The following GNA14 variants were observed in gnomAD, a reference collection of about 807,000 sequenced individuals.
GNA14 encodes G protein subunit alpha 14.
A neutral mutation model predicts 42.0 loss-of-function variants in GNA14; 50 were observed. The ratio of observed to expected loss-of-function variants is 1.19; its 90% confidence interval spans 0.95 to 1.51. The LOEUF (loss-of-function observed/expected upper bound fraction) is 1.51. GNA14 is among the 40% of genes most tolerant of loss of function. The pLI is 0.00. For synonymous variants in GNA14, 173 were observed against 163.1 expected (o/e 1.06, Z -0.46); for missense variants, 473 against 446.2 (o/e 1.06, Z -0.54).
intron 2 of GNA14, among the ~76,000 whole-genome samples, chr9:77,508,022 C>T (rs1587807007): frequency 6.6e-6 from 1 of 152,282 alleles, no homozygotes; most frequent in African/African-American, 2.4e-5. Context: ...CTGGCCTCAG[C>T]TCACTCTTAT....
chr9:77,627,433 A>G (rs1046302945), intron 1 of GNA14, among the ~76,000 whole-genome samples: 1 of 152,124 alleles, frequency 6.6e-6, no homozygotes, highest in Admixed American at 6.6e-5. Flanking sequence ...ACAACAAAAA[A>G]AGAAAATTTC....
chr9:77,544,786 T>C (rs1458317592), intron 1 of GNA14, among the ~76,000 whole-genome samples: 1 of 152,150 alleles, frequency 6.6e-6, no homozygotes, highest in African/African-American at 2.4e-5. Context: ...AGCATATTCA[T>C]TAATGGTTTT....
chr9:77,487,341 G>A (rs1424861829), intron 2 of GNA14, among the ~76,000 whole-genome samples: 3 of 152,076 alleles, frequency 2.0e-5, no homozygotes, highest in African/African-American at 7.2e-5. Context: ...ATGGAGAAGG[G>A]GAATTGCTGT....
chr9:77,600,175 T>A (rs987700888), intron 1 of GNA14, among the ~76,000 whole-genome samples: 6 of 152,180 alleles, frequency 3.9e-5, no homozygotes, highest in African/African-American at 1.4e-4. Context: ...GTTAAAAATG[T>A]ATTGGAAGCC....
chr9:77,477,662 A>G (rs1836454950), intron 2 of GNA14, among the ~76,000 whole-genome samples: 1 of 152,236 alleles, frequency 6.6e-6, no homozygotes, highest in Non-Finnish European at 1.5e-5. Flanking sequence ...TCTCCAAAAT[A>G]AAACAGAAAG....
intron 2 of GNA14, among the ~76,000 whole-genome samples, chr9:77,460,242 G>C (rs1020524417): frequency 1.3e-5 from 2 of 152,204 alleles, no homozygotes; most frequent in Non-Finnish European, 2.9e-5. Context: ...GTGCCTGTAA[G>C]AGACAGAAGA....
At chr9:77,561,622 T>C (rs189585108) in intron 1 of GNA14, among the ~76,000 whole-genome samples, 1 of 152,280 alleles carries the variant, frequency 6.6e-6, no homozygotes, top group Non-Finnish European at 1.5e-5. Context: ...AAATATTATA[T>C]GAGGGGAATG....
At position 77,444,367 on chromosome 9, in the gene GNA14, G is replaced by A. The variant is rs557866569; in HGVS notation, c.310-9845C>T. Among the ~76,000 whole-genome samples the A allele has an allele frequency of 1.4e-3, 216 of 152,260 alleles. 1 individual carries two copies. Among genetic ancestry groups the A allele is most frequent in the East Asian group, 2.7e-3 (14 of 5,182 alleles). ...CTCCTTCAGCTTCTCCACATCATGG[G>A]TCAGCTTCTCCACATCCTGGGGCAG... On this transcript the variant is annotated intron_variant, in intron 2 of 6. Coordinates refer to ENST00000341700, the MANE Select transcript of GNA14 (RefSeq NM_004297.4).
chr9:77,462,174 C>CAGAT (rs1215208753), intron 2 of GNA14, among the ~76,000 whole-genome samples: 1 of 152,158 alleles, frequency 6.6e-6, no homozygotes, highest in African/African-American at 2.4e-5. Flanking sequence ...ACATTTTCAT[C>CAGAT]AGATGTTCAC....
intron 2 of GNA14, among the ~76,000 whole-genome samples, chr9:77,485,386 C>T (rs140872184): frequency 6.6e-6 from 1 of 152,246 alleles, no homozygotes; most frequent in East Asian, 1.9e-4. Context: ...CTCTTATACT[C>T]CTACCACATC....
At chr9:77,459,248 GA>G (rs11315541) in intron 2 of GNA14, among the ~76,000 whole-genome samples, 60,466 of 122,660 alleles carry the variant, frequency 0.49, 12,874 homozygotes, top group African/African-American at 0.64. Flanking sequence ...GGAAAAAAAA[GA>G]AAAAAAAGAA....
At chr9:77,644,934 G>T (rs1824330737) in intron 1 of GNA14, among the ~76,000 whole-genome samples, 1 of 152,194 alleles carries the variant, frequency 6.6e-6, no homozygotes, top group East Asian at 1.9e-4. Flanking sequence ...GCAAGGAACT[G>T]ATAAGAAATT....
intron 1 of GNA14, among the ~76,000 whole-genome samples, chr9:77,569,391 T>G (rs1355096545): frequency 6.6e-6 from 1 of 152,172 alleles, no homozygotes; most frequent in Non-Finnish European, 1.5e-5. Flanking sequence ...CTGCTGGATG[T>G]GCTGCAGCTA....
chr9:77,479,116 G>T (rs1309427439), intron 2 of GNA14, among the ~76,000 whole-genome samples: 1 of 152,068 alleles, frequency 6.6e-6, no homozygotes, highest in South Asian at 2.1e-4. Flanking sequence ...GTCCTGAATG[G>T]TACTGCCTAG....
intron 2 of GNA14, among the ~76,000 whole-genome samples, chr9:77,484,948 G>GTTATAATC (rs71503217): frequency 0.56 from 85,258 of 151,138 alleles, 24,425 homozygotes; most frequent in East Asian, 0.84. Flanking sequence ...CATACAGCAA[G>GTTATAATC]TTATAATCTT....
At chr9:77,429,899 G>A (rs1835516529) in intron 4 of GNA14, among the ~76,000 whole-genome samples, 1 of 152,014 alleles carries the variant, frequency 6.6e-6, no homozygotes, top group Admixed American at 6.6e-5. Context: ...CAGCTGCCAA[G>A]TAACCCCCAC....
At chr9:77,494,252 C>T (rs77640138) in intron 2 of GNA14, among the ~76,000 whole-genome samples, 2,129 of 152,240 alleles carry the variant, frequency 0.014, 54 homozygotes, top group African/African-American at 0.048. Flanking sequence ...TATTCTGTTC[C>T]ATATTTTCTC....
Position 77,454,498 on chromosome 9 carries a change from G to A in GNA14, c.310-19976C>T, listed in dbSNP as rs191540382. 2.0e-5 allele frequency among the ~76,000 whole-genome samples: 3 copies of A among 152,238 alleles called. No homozygotes were observed. The East Asian group carries it at 5.8e-4, about 29-fold the overall frequency. On this transcript the variant is annotated intron_variant, in intron 2 of 6. Transcript: ENST00000341700. ...CTTTGCTGAGCTGTTGAACCTTGAG[G>A]GGAGTTATCTGATAATAGTGGGGAC...
chr9:77,570,898 A>G (rs1236311460), intron 1 of GNA14, among the ~76,000 whole-genome samples: 1 of 150,798 alleles, frequency 6.6e-6, no homozygotes, highest in African/African-American at 2.5e-5. Context: ...AAATAAGAGT[A>G]CAACTTATAA....
Sources: gnomAD v4.1 joint callset for allele counts (sites outside exome capture counted in the v4.1 genomes callset) on GRCh38, gnomAD v4.1.1 for gene constraint, MANE v1.5 for transcripts, NCBI Gene and HGNC (gene_info 2026-07-23, HGNC 2026-07-21) for gene names.